The following KCNQ1 variants were observed in gnomAD, a reference collection of about 807,000 sequenced individuals.
KCNQ1 encodes the protein potassium voltage-gated channel subfamily KQT member 1.
Under a neutral mutation model 72.4 loss-of-function variants are expected in KCNQ1, and 49 were observed. The observed-to-expected ratio is 0.68, with a 90% CI of 0.54 to 0.86. The LOEUF (loss-of-function observed/expected upper bound fraction) is 0.86. Ranked by LOEUF, KCNQ1 falls within the 40% of genes least tolerant of loss-of-function variation. The pLI, the probability that KCNQ1 is intolerant of heterozygous loss-of-function variation, is 0.00. For synonymous variants in KCNQ1, 450 were observed against 412.6 expected (o/e 1.09, Z -1.10); for missense variants, 790 against 945.1 (o/e 0.84, Z 2.15).
chr11:2,685,826 G>A lies in KCNQ1; in HGVS notation c.1514+23745G>A, dbSNP rs139568424. 3.4e-4 allele frequency: 136 copies of A among 398,706 alleles called. No homozygotes were observed. Among genetic ancestry groups the A allele is most frequent in the African/African-American group, 1.5e-3 (73 of 48,768 alleles). 24.7% of individuals were successfully genotyped at this position (398,706 alleles called of 1,614,324 possible). A position where few individuals can be genotyped will look rare whatever the true frequency, so the allele number is the denominator to read the frequency against. The stretch of plus-strand genomic sequence containing the variant: ...CTGAGAATGCGATTCCTACTAGAAC[G>A]AGGCTGTTTCCCAGGCTGCCTCCTG... On this transcript the variant is annotated intron_variant, in intron 11 of 15. Coordinates refer to ENST00000155840, the MANE Select transcript of KCNQ1 (RefSeq NM_000218.3).
intron 15 of KCNQ1, among the ~76,000 whole-genome samples, chr11:2,792,129 A>T (rs966564053): frequency 2.6e-5 from 4 of 151,370 alleles, no homozygotes; most frequent in Non-Finnish European, 5.9e-5. Flanking sequence ...TCCCTCCGCC[A>T]CCCCTGCAGG....
intron 11 of KCNQ1, among the ~76,000 whole-genome samples, chr11:2,733,812 A>ACTCTCTCTCT (rs1564875290): frequency 1.1e-5 from 1 of 87,726 alleles, no homozygotes; most frequent in South Asian, 3.7e-4. Flanking sequence ...ACACACACAC[A>ACTCTCTCTCT]CACTCTCTCA....
rs1253782384 is a variant in KCNQ1 at position 2,745,823 on chromosome 11, G to GGCGGCAGCAGC, written c.1515-23020_1515-23010dup. On this transcript the variant is annotated intron_variant, in intron 11 of 15. Coordinates refer to ENST00000155840, the MANE Select transcript of KCNQ1 (RefSeq NM_000218.3). The surrounding 1 kb of genome is among the most constrained non-coding windows in gnomAD (Gnocchi z 6.2). ...GAGCCCGGGGCCAGGACCAGGAGCA[G>GGCGGCAGCAGC]GCGGCAGCAGCAAGGCAGCTCATCC... Among the ~76,000 whole-genome samples, 52 of 152,372 alleles carry GGCGGCAGCAGC rather than the reference G, an allele frequency of 3.4e-4. No individual in the cohort carries two copies. The highest frequency in any genetic ancestry group is 1.2e-3 in the African/African-American group (49 of 41,594).
intron 10 of KCNQ1, chr11:2,655,728 T>A (rs1849835131): frequency 5.9e-6 from 1 of 169,388 alleles, no homozygotes; most frequent in South Asian, 2.1e-4. Context: ...CTGACCTGGC[T>A]ACGACCACAG....
In KCNQ1 at chr11:2,745,352, T is replaced by G. The variant is rs1445240359; in HGVS notation, c.1515-23492T>G. 6.6e-6 allele frequency among the ~76,000 whole-genome samples: 1 copy of G among 152,054 alleles called. No homozygotes were observed. Among genetic ancestry groups the G allele is most frequent in the Non-Finnish European group, 1.5e-5 (1 of 68,012 alleles). On this transcript the variant is annotated intron_variant, in intron 11 of 15. Transcript: ENST00000155840. The surrounding 1 kb of genome is among the most constrained non-coding windows in gnomAD (Gnocchi z 6.2). ...TCTTTTCCTGAAAGGGCTGGTGGGG[T>G]CTTGCTTCCATTATTCCTGGATGAG...
intron 11 of KCNQ1, chr11:2,699,359 C>T: frequency 2.5e-6 from 1 of 399,316 alleles, no homozygotes; most frequent in East Asian, 3.6e-5. Flanking sequence ...CCGTCCCGCG[C>T]CGTCCGCCCA....
At chr11:2,786,043 CTT>C (rs951596268) in intron 15 of KCNQ1, among the ~76,000 whole-genome samples, 1 of 152,064 alleles carries the variant, frequency 6.6e-6, no homozygotes, top group African/African-American at 2.4e-5. Flanking sequence ...CCATTTGCCT[CTT>C]TGTCATTTGT....
At chr11:2,485,534 A>G (rs754100926) in intron 1 of KCNQ1, among the ~76,000 whole-genome samples, 42 of 152,128 alleles carry the variant, frequency 2.8e-4, no homozygotes, top group Non-Finnish European at 3.7e-4. Context: ...GGTAAGATAC[A>G]CTAATGCAAA....
Position 2,764,474 on chromosome 11 carries a change from T to C in KCNQ1, c.1515-4370T>C, listed in dbSNP as rs1392038496. On this transcript the variant is annotated intron_variant, in intron 11 of 15. Coordinates refer to ENST00000155840, the MANE Select transcript of KCNQ1 (RefSeq NM_000218.3). This position sits in a 1 kb window ranked among gnomAD's most constrained non-coding sequence, Gnocchi z 4.8. ...GTGGTTAGGATATTTGCACGTATGT[T>C]CACGAGAGAGATTAACCTGTGATTT... is the stretch of plus-strand genomic sequence containing the variant. Among the ~76,000 whole-genome samples, 1 of 152,196 alleles carries C rather than the reference T, an allele frequency of 6.6e-6. No individual in the cohort carries two copies. Among genetic ancestry groups the C allele is most frequent in the Non-Finnish European group, 1.5e-5 (1 of 68,038 alleles).
intron 1 of KCNQ1, among the ~76,000 whole-genome samples, chr11:2,466,778 AG>A (rs1210490595): frequency 1.3e-5 from 2 of 151,902 alleles, no homozygotes; most frequent in East Asian, 3.9e-4. Context: ...CATGTTCCTT[AG>A]CCTCCCTTGG....
At chr11:2,496,108 T>C (rs1054088912) in intron 1 of KCNQ1, among the ~76,000 whole-genome samples, 2 of 152,166 alleles carry the variant, frequency 1.3e-5, no homozygotes, top group African/African-American at 2.4e-5. Flanking sequence ...TTTGTCTTTT[T>C]TTATCTTTCT....
chr11:2,558,687 T>A (rs1848109589), intron 2 of KCNQ1, among the ~76,000 whole-genome samples: 1 of 151,802 alleles, frequency 6.6e-6, no homozygotes, highest in South Asian at 2.1e-4. Context: ...TGGAGGCACC[T>A]CATTAAACCG....
chr11:2,759,568 G>A lies in KCNQ1; in HGVS notation c.1515-9276G>A, dbSNP rs144622496. On this transcript the variant is annotated intron_variant, in intron 11 of 15. Transcript: ENST00000155840. This position sits in a 1 kb window ranked among gnomAD's most constrained non-coding sequence, Gnocchi z 4.4. ...TGCGCGGGAGGGAGTTGCAAAGAGC[G>A]ACACCCCAGCATGTGGGAAGGAAGG... 2.6e-5 allele frequency among the ~76,000 whole-genome samples: 4 copies of A among 152,320 alleles called. No homozygotes were observed. Among genetic ancestry groups the A allele is most frequent in the Non-Finnish European group, 4.4e-5 (3 of 68,028 alleles).
Position 2,647,223 on chromosome 11 carries a change from T to A in KCNQ1, c.1394-14738T>A, listed in dbSNP as rs1174923467. On this transcript the variant is annotated intron_variant, in intron 10 of 15. Transcript: ENST00000155840. The surrounding 1 kb of genome is among the most constrained non-coding windows in gnomAD (Gnocchi z 4.0). ...TATCAGATGCTTTTTCTGCATCTAT[T>A]GAGATGATCATGTATTTTTTTGTCC... is the stretch of plus-strand genomic sequence containing the variant. 3 of 398,422 alleles carry A rather than the reference T, an allele frequency of 7.5e-6. No homozygotes were observed. In the East Asian group the frequency reaches 1.1e-4, roughly 14 times the overall value. 24.7% of individuals were successfully genotyped at this position (398,422 alleles called of 1,614,324 possible). A position where few individuals can be genotyped will look rare whatever the true frequency, so the allele number is the denominator to read the frequency against.
chr11:2,652,010 G>T lies in KCNQ1; in HGVS notation c.1394-9951G>T. Reference sequence around the variant, plus strand: ...TGACATCAGTTGTTAACATAATTTTGATGTTGAGCCTCCCCCCAGTTCTGG... The same window carrying T: ...TGACATCAGTTGTTAACATAATTTTTATGTTGAGCCTCCCCCCAGTTCTGG... On this transcript the variant is annotated intron_variant, in intron 10 of 15. Coordinates refer to ENST00000155840, the MANE Select transcript of KCNQ1 (RefSeq NM_000218.3). The surrounding 1 kb of genome is among the most constrained non-coding windows in gnomAD (Gnocchi z 5.9). 1 of 398,642 alleles carries T rather than the reference G, an allele frequency of 2.5e-6. No homozygotes were observed. The allele number at this position is 398,642 out of a possible 1,614,324, so 24.7% of individuals were successfully genotyped here. A position where few individuals can be genotyped will look rare whatever the true frequency, so the allele number is the denominator to read the frequency against.
At chr11:2,517,314 G>A (rs1036188089) in intron 1 of KCNQ1, among the ~76,000 whole-genome samples, 1 of 152,184 alleles carries the variant, frequency 6.6e-6, no homozygotes, top group Non-Finnish European at 1.5e-5. Flanking sequence ...GGGGTGAGAT[G>A]CACCTGATGG....
In KCNQ1 at chr11:2,498,835, T is replaced by C. The variant is rs1327032419; in HGVS notation, c.387-29093T>C. On this transcript the variant is annotated intron_variant, in intron 1 of 15. Transcript: ENST00000155840. This position sits in a 1 kb window ranked among gnomAD's most constrained non-coding sequence, Gnocchi z 4.8. ...GGTATAGGCACATGAAGGAGTCTCC[T>C]GATCTGCAGATTGCAAAACCCATGG... 6.6e-6 allele frequency among the ~76,000 whole-genome samples: 1 copy of C among 152,248 alleles called. No individual in the cohort carries two copies. Among genetic ancestry groups the C allele is most frequent in the Non-Finnish European group, 1.5e-5 (1 of 68,026 alleles).
At position 2,446,102 on chromosome 11, in the gene KCNQ1, T is replaced by G. The variant is rs1162946523; in HGVS notation, c.386+618T>G. Among the ~76,000 whole-genome samples the G allele has an allele frequency of 6.6e-6, 1 of 152,164 alleles. No homozygotes were observed. The highest frequency in any genetic ancestry group is 1.9e-4 in the East Asian group (1 of 5,178). ...GAGCGGAGAGGCACGTTTGCAGCTC[T>G]CACTAAGAGGCAGCTGTGCTCCCGG... On this transcript the variant is annotated intron_variant, in intron 1 of 15. Transcript: ENST00000155840. This position sits in a 1 kb window ranked among gnomAD's most constrained non-coding sequence, Gnocchi z 8.8.
At chr11:2,625,477 G>C (rs1008403202) in intron 10 of KCNQ1, 11 of 398,254 alleles carry the variant, frequency 2.8e-5, no homozygotes, top group Non-Finnish European at 4.4e-5. Flanking sequence ...TTGTGGTTTT[G>C]ACTTGTATTT....
Sources: gnomAD v4.1 joint callset for allele counts (sites outside exome capture counted in the v4.1 genomes callset) on GRCh38, gnomAD v4.1.1 for gene constraint, Gnocchi (gnomAD v3.1) non-coding constraint, MANE v1.5 for transcripts, NCBI Gene and HGNC (gene_info 2026-07-23, HGNC 2026-07-21) for gene names.